Variants in BMPR1A observed in about 807,000 individuals in gnomAD.
The protein encoded by BMPR1A is bone morphogenetic protein receptor type 1A, also known as bone morphogenetic protein receptor type-1A.
Under a neutral mutation model 66.0 loss-of-function variants are expected in BMPR1A, and 7 were observed. The observed-to-expected ratio is 0.11, with a 90% confidence interval of 0.06 to 0.20. The LOEUF is 0.20. BMPR1A is among the 10% of genes least tolerant of loss of function. The probability of loss-of-function intolerance (pLI) is 1.00; values close to 1 mark genes in which losing one functional copy is unlikely to be tolerated. For synonymous variants in BMPR1A, 200 were observed against 229.7 expected, an observed-to-expected ratio of 0.87 and a Z score of 1.17; for missense variants, 408 against 669.1, an observed-to-expected ratio of 0.61 and a Z score of 4.31.
chr10:86,895,960 C>T (rs1241789912), intron 5 of BMPR1A, among the ~76,000 whole-genome samples: 3 of 152,042 alleles, frequency 2.0e-5, no homozygotes, highest in Non-Finnish European at 2.9e-5. Flanking sequence ...TTCAGACTAG[C>T]CTGGCCAACA....
At chr10:86,856,445 C>T (rs1482924635) in intron 2 of BMPR1A, among the ~76,000 whole-genome samples, 1 of 152,210 alleles carries the variant, frequency 6.6e-6, no homozygotes, top group African/African-American at 2.4e-5. Context: ...TTCTTTTAAA[C>T]TGTCCATGTC....
At chr10:86,834,235 A>T (rs1842311253) in intron 1 of BMPR1A, among the ~76,000 whole-genome samples, 1 of 152,018 alleles carries the variant, frequency 6.6e-6, no homozygotes, top group Non-Finnish European at 1.5e-5. Flanking sequence ...TAGCCCAAGT[A>T]TTTTTTTCTG....
intron 7 of BMPR1A, among the ~76,000 whole-genome samples, chr10:86,902,597 T>C (rs1402333345): frequency 1.3e-5 from 2 of 152,244 alleles, no homozygotes; most frequent in African/African-American, 4.8e-5. Context: ...AGGCAGATTA[T>C]CTTACAGTGA....
In BMPR1A at chr10:86,925,820, C is replaced by T. The variant is rs569375390; in HGVS notation, c.*2101C>T. ...TCGGCTCACTGCAAGCTCCGCTTCC[C>T]GGGTTCACGCCATTCTCCTGCCTCA... On this transcript the variant is annotated 3_prime_UTR_variant, in exon 13 of 13. Transcript: ENST00000372037. 1,128 of 155,928 alleles carry T rather than the reference C, an allele frequency of 7.2e-3. 5 individuals are homozygous for T. The highest frequency in any genetic ancestry group is 0.012 in the Non-Finnish European group (880 of 73,680). 9.7% of individuals were successfully genotyped at this position (155,928 alleles called of 1,614,324 possible).
intron 2 of BMPR1A, among the ~76,000 whole-genome samples, chr10:86,847,012 T>C (rs1241507807): frequency 6.6e-6 from 1 of 152,102 alleles, no homozygotes. Flanking sequence ...CTCGCTCTGC[T>C]CTCTGCTAAT....
At chr10:86,844,565 A>C (rs977147607) in intron 2 of BMPR1A, among the ~76,000 whole-genome samples, 4 of 152,214 alleles carry the variant, frequency 2.6e-5, no homozygotes, top group African/African-American at 9.6e-5. Context: ...AAATGCATTT[A>C]TTAAAATTCT....
chr10:86,766,755 G>A (rs118137816), intron 1 of BMPR1A, among the ~76,000 whole-genome samples: 8,133 of 150,590 alleles, frequency 0.054, 346 homozygotes, highest in Non-Finnish European at 0.074. Flanking sequence ...ACAGGCGCCC[G>A]CCATCACACC....
chr10:86,803,585 A>G (rs77275041), intron 1 of BMPR1A, among the ~76,000 whole-genome samples: 2,059 of 152,270 alleles, frequency 0.014, 41 homozygotes, highest in African/African-American at 0.047. Flanking sequence ...ATCGTTGGCA[A>G]ATTCTTTCAC....
At chr10:86,779,975 A>G (rs979596441) in intron 1 of BMPR1A, among the ~76,000 whole-genome samples, 2 of 152,090 alleles carry the variant, frequency 1.3e-5, no homozygotes, top group African/African-American at 4.8e-5. Flanking sequence ...GTGCGATCCT[A>G]ACTCATTATA....
At chr10:86,864,978 CA>C (rs1365375954) in intron 2 of BMPR1A, among the ~76,000 whole-genome samples, 1 of 152,108 alleles carries the variant, frequency 6.6e-6, no homozygotes, top group Middle Eastern at 3.2e-3. Context: ...TACCACCCCC[CA>C]AAAATTTTCG....
At chr10:86,813,908 A>G (rs968219734) in intron 1 of BMPR1A, among the ~76,000 whole-genome samples, 7 of 152,182 alleles carry the variant, frequency 4.6e-5, no homozygotes, top group Non-Finnish European at 1.0e-4. Context: ...GATAATATGT[A>G]TAATGTTTAT....
At chr10:86,778,024 T>G (rs1027851453) in intron 1 of BMPR1A, among the ~76,000 whole-genome samples, 1 of 150,462 alleles carries the variant, frequency 6.6e-6, no homozygotes, top group Non-Finnish European at 1.5e-5. Flanking sequence ...AAAAAAAAAA[T>G]TAAATTGACA....
chr10:86,852,923 AAATG>A (rs1158055481), intron 2 of BMPR1A, among the ~76,000 whole-genome samples: 3 of 152,220 alleles, frequency 2.0e-5, no homozygotes, highest in Admixed American at 6.5e-5. Flanking sequence ...TTGGGGCTTG[AAATG>A]ATGAATTTTT....
intron 1 of BMPR1A, among the ~76,000 whole-genome samples, chr10:86,761,762 G>A (rs554229288): frequency 1.2e-4 from 19 of 152,324 alleles, no homozygotes; most frequent in South Asian, 2.1e-4. Context: ...GTGGATGAGA[G>A]AAGGAATGGG....
chr10:86,867,407 T>A (rs1041244481), intron 2 of BMPR1A, among the ~76,000 whole-genome samples: 3 of 152,246 alleles, frequency 2.0e-5, no homozygotes, highest in Non-Finnish European at 4.4e-5. Flanking sequence ...ACCCTCTCCC[T>A]TTCCAGACAG....
intron 2 of BMPR1A, among the ~76,000 whole-genome samples, chr10:86,868,678 A>G (rs1052288080): frequency 6.6e-6 from 1 of 152,066 alleles, no homozygotes; most frequent in African/African-American, 2.4e-5. Flanking sequence ...AAACTTCTCT[A>G]CTAGAAAGTG....
At chr10:86,799,147 T>C (rs371271897) in intron 1 of BMPR1A, among the ~76,000 whole-genome samples, 1 of 152,338 alleles carries the variant, frequency 6.6e-6, no homozygotes, top group East Asian at 1.9e-4. Flanking sequence ...TTCAAAATCT[T>C]TACCTTGCAT....
At chr10:86,820,564 C>T (rs1842108272) in intron 1 of BMPR1A, among the ~76,000 whole-genome samples, 1 of 152,130 alleles carries the variant, frequency 6.6e-6, no homozygotes, top group South Asian at 2.1e-4. Flanking sequence ...TCTCTCCATC[C>T]TTGACTGTTT....
intron 1 of BMPR1A, among the ~76,000 whole-genome samples, chr10:86,790,183 AAAAAAATAT>A (rs1841586297): frequency 2.5e-5 from 1 of 39,582 alleles, no homozygotes; most frequent in African/African-American, 1.7e-4. Context: ...AAAAAAAAAA[AAAAAAATAT>A]ATATATATAT....
Sources: gnomAD v4.1 joint callset for allele counts (sites outside exome capture counted in the v4.1 genomes callset) on GRCh38, gnomAD v4.1.1 for gene constraint, MANE v1.5 for transcripts, NCBI Gene and HGNC (gene_info 2026-07-23, HGNC 2026-07-21) for gene names.